ZFP3: variants seen among roughly 807,000 people sequenced by gnomAD.
ZFP3 encodes zinc finger protein 3 homolog.
ZFP3 carries 18 observed loss-of-function variants against 36.7 expected under a neutral mutation model. The ratio of observed to expected loss-of-function variants is 0.49; its 90% CI spans 0.34 to 0.73. ZFP3 has a LOEUF of 0.73. Ranked by LOEUF, ZFP3 falls within the 30% of genes least tolerant of loss-of-function variation. ZFP3 has a pLI of 0.01. For synonymous variants in ZFP3, 218 were observed against 199.0 expected, an observed-to-expected ratio of 1.10 and a Z score of -0.81; for missense variants, 495 against 599.0, an observed-to-expected ratio of 0.83 and a Z score of 1.81.
intron 1 of ZFP3, among the ~76,000 whole-genome samples, chr17:5,081,265 TG>T: frequency 6.6e-6 from 1 of 152,012 alleles, no homozygotes; most frequent in Non-Finnish European, 1.5e-5. Flanking sequence ...GGCTAATTTT[TG>T]TATTTTTACT....
chr17:5,079,979 C>G (rs184671839), intron 1 of ZFP3, among the ~76,000 whole-genome samples: 10 of 151,604 alleles, frequency 6.6e-5, no homozygotes, highest in African/African-American at 2.4e-4. Flanking sequence ...GCGGAGGTTG[C>G]GGTGAGCCAA....
At chr17:5,089,459 A>C (rs2072138490) in intron 1 of ZFP3, among the ~76,000 whole-genome samples, 1 of 152,234 alleles carries the variant, frequency 6.6e-6, no homozygotes, top group Non-Finnish European at 1.5e-5. Flanking sequence ...ATTGGCTAGA[A>C]TATGATCATG....
chr17:5,085,167 G>A (rs56916247), intron 1 of ZFP3, among the ~76,000 whole-genome samples: 20,915 of 151,854 alleles, frequency 0.14, 2,401 homozygotes, highest in South Asian at 0.49. Context: ...AGCCTCCCCA[G>A]TAACTGGGAC....
rs1472201063 is a variant in ZFP3, at chr17:5,078,540, G to C, written c.-44G>C. 6.6e-6 allele frequency: 1 copy of C among 152,374 alleles called. No individual in the cohort carries two copies. Among genetic ancestry groups the C allele is most frequent in the Non-Finnish European group, 1.5e-5 (1 of 68,154 alleles). 9.4% of individuals were successfully genotyped at this position (152,374 alleles called of 1,614,324 possible). On this transcript the variant is annotated 5_prime_UTR_variant, in exon 1 of 2. Transcript: ENST00000318833. The surrounding 1 kb of genome is among the most constrained non-coding windows in gnomAD (Gnocchi z 4.5). Reference sequence around the variant, plus strand: ...AGCGGCCCAGCAGCGCGGAGCCTCAGCGGAGTGAGCGAGCGCGGGGCAGTA... The same window carrying C: ...AGCGGCCCAGCAGCGCGGAGCCTCACCGGAGTGAGCGAGCGCGGGGCAGTA...
At chr17:5,088,786 G>A (rs1282135082) in intron 1 of ZFP3, among the ~76,000 whole-genome samples, 1 of 152,138 alleles carries the variant, frequency 6.6e-6, no homozygotes, top group Non-Finnish European at 1.5e-5. Flanking sequence ...AAACGACCAC[G>A]AGTGTGCATC....
Position 5,083,559 on chromosome 17 carries a change from A to G in ZFP3, c.-9+4984A>G, listed in dbSNP as rs112544043. On this transcript the variant is annotated intron_variant, in intron 1 of 1. Transcript: ENST00000318833. ...AAACTCTATCTCAAAAAAAAAAAAA[A>G]AGACTTTGTAACAGTGGTTTTCAAA... is the stretch of plus-strand genomic sequence containing the variant. Among the ~76,000 whole-genome samples, 1,161 of 151,834 alleles carry G rather than the reference A, an allele frequency of 7.6e-3. 20 individuals are homozygous for G. Among genetic ancestry groups the G allele is most frequent in the African/African-American group, 0.024 (1,008 of 41,418 alleles).
In ZFP3 at chr17:5,092,422, A is replaced by G; in HGVS notation, c.918A>G (p.Glu306=). 1 of 1,614,176 alleles carries G rather than the reference A, an allele frequency of 6.2e-7. No individual in the cohort carries two copies. ...LIRHQKIHTG[E]KPYLCNECGK... Reference sequence around the variant, plus strand: ...GACACCAGAAAATTCATACTGGAGAAAAACCATATCTGTGTAATGAATGTG... The same window carrying G: ...GACACCAGAAAATTCATACTGGAGAGAAACCATATCTGTGTAATGAATGTG... The change falls in exon 2 of 2, where the codon GAA becomes GAG. Residue 306 remains glutamate (E), a synonymous_variant. Coordinates refer to ENST00000318833, the MANE Select transcript of ZFP3 (RefSeq NM_153018.3). The surrounding 1 kb of genome is among the most constrained non-coding windows in gnomAD (Gnocchi z 5.0).
intron 1 of ZFP3, among the ~76,000 whole-genome samples, chr17:5,080,157 A>G (rs2072086081): frequency 6.6e-6 from 1 of 152,134 alleles, no homozygotes. Flanking sequence ...TGGTAGTGAG[A>G]TGGCAGCAGC....
At chr17:5,083,846 A>ATTTTCTTTTC (rs71149521) in intron 1 of ZFP3, among the ~76,000 whole-genome samples, 23,847 of 148,662 alleles carry the variant, frequency 0.16, 2,017 homozygotes, top group Middle Eastern at 0.18. Context: ...TTCCATGCAG[A>ATTTTCTTTTC]TTTTCTTTTC....
rs2072166494 is a variant in ZFP3 at position 5,094,115 on chromosome 17, C to CT, written c.*1104dup. On this transcript the variant is annotated 3_prime_UTR_variant, in exon 2 of 2. Coordinates refer to ENST00000318833, the MANE Select transcript of ZFP3 (RefSeq NM_153018.3). ...ACCAGGGTCTGGCCTTGCCAAAGCA[C>CT]TTAAGTTCTCATGACCTGGACCGCA... The CT allele has an allele frequency of 6.0e-6, 1 of 167,180 alleles. No homozygotes were observed. Among genetic ancestry groups the CT allele is most frequent in the Non-Finnish European group, 1.5e-5 (1 of 68,160 alleles). The allele number at this position is 167,180 out of a possible 1,614,324, so 10.4% of individuals were successfully genotyped here. A position where few individuals can be genotyped will look rare whatever the true frequency, so the allele number is the denominator to read the frequency against.
chr17:5,085,375 T>A (rs1331486120), intron 1 of ZFP3, among the ~76,000 whole-genome samples: 1 of 138,612 alleles, frequency 7.2e-6, no homozygotes, highest in East Asian at 2.0e-4. Context: ...TTGAGTTTTG[T>A]TTTTTTTTTT....
intron 1 of ZFP3, among the ~76,000 whole-genome samples, chr17:5,088,194 T>C (rs1344600717): frequency 6.6e-6 from 1 of 152,224 alleles, no homozygotes; most frequent in Non-Finnish European, 1.5e-5. Flanking sequence ...TTTATTGCTA[T>C]ATTAGCTCCT....
intron 1 of ZFP3, among the ~76,000 whole-genome samples, chr17:5,084,466 G>A (rs1453039721): frequency 3.2e-5 from 4 of 123,308 alleles, no homozygotes; most frequent in East Asian, 2.4e-4. Flanking sequence ...TAGTAGAGAC[G>A]GGGTTTCACC....
At chr17:5,084,736 C>T (rs1597904213) in intron 1 of ZFP3, among the ~76,000 whole-genome samples, 2 of 152,168 alleles carry the variant, frequency 1.3e-5, no homozygotes, top group African/African-American at 4.8e-5. Context: ...TCCAGTAGCA[C>T]CTCCATCTTA....
intron 1 of ZFP3, among the ~76,000 whole-genome samples, chr17:5,080,321 G>A (rs1279907759): frequency 6.6e-6 from 1 of 152,176 alleles, no homozygotes; most frequent in Non-Finnish European, 1.5e-5. Flanking sequence ...AATCCTTGCT[G>A]TTTCTGAACC....
rs745672480 is a variant in ZFP3, at chr17:5,092,979, T to A, written c.1475T>A (p.Leu492His). The change falls in exon 2 of 2, where the codon CTC (leucine) becomes CAC (histidine). Residue 492 changes from leucine to histidine, a missense_variant. Physicochemically the swap from Leu to His is moderately conservative, Grantham distance 99 (BLOSUM62 -3). Transcript: ENST00000318833. The surrounding 1 kb of genome is among the most constrained non-coding windows in gnomAD (Gnocchi z 5.0). ...AAGACTTTTAGTCGGAGCTCTCACC[T>A]CCTCCGACATCAAAGTGTTCACTGT... The part of the protein sequence containing the change: ...CQKTFSRSSH[L>H]LRHQSVHCME The A allele has an allele frequency of 1.2e-6, 2 of 1,607,434 alleles. No individual in the cohort carries two copies. Among genetic ancestry groups the A allele is most frequent in the Admixed American group, 3.4e-5 (2 of 58,836 alleles).
intron 1 of ZFP3, among the ~76,000 whole-genome samples, chr17:5,081,903 TTTC>T (rs935581664): frequency 5.6e-5 from 8 of 143,976 alleles, no homozygotes; most frequent in African/African-American, 2.0e-4. Context: ...GCCTGGCCCT[TTTC>T]TTCTTTTATA....
chr17:5,085,735 G>A (rs748112318), intron 1 of ZFP3, among the ~76,000 whole-genome samples: 7 of 152,176 alleles, frequency 4.6e-5, no homozygotes, highest in Non-Finnish European at 7.3e-5. Context: ...AACTTCTGTC[G>A]TATCTTGTTT....
chr17:5,084,536 A>G (rs1440512503), intron 1 of ZFP3, among the ~76,000 whole-genome samples: 4 of 151,232 alleles, frequency 2.6e-5, no homozygotes, highest in Non-Finnish European at 4.4e-5. Flanking sequence ...CGGCCTCCCA[A>G]AGTGCTGGGA....
Sources: allele counts gnomAD v4.1 joint callset (sites outside exome capture counted in the v4.1 genomes callset), GRCh38; gene constraint gnomAD v4.1.1; non-coding constraint Gnocchi (gnomAD v3.1); transcripts MANE v1.5; gene names NCBI Gene and HGNC (gene_info 2026-07-23, HGNC 2026-07-21).